LEF1: variants seen among roughly 807,000 people sequenced by gnomAD.
The protein encoded by LEF1 is lymphoid enhancer-binding factor 1.
LEF1 carries 14 observed loss-of-function variants against 51.2 expected under a neutral mutation model. The ratio of observed to expected loss-of-function variants is 0.27; its 90% CI spans 0.18 to 0.43. The LOEUF (loss-of-function observed/expected upper bound fraction) is 0.43, where lower values mean the gene tolerates loss of function less well. LEF1 is among the 20% of genes least tolerant of loss of function. The probability of loss-of-function intolerance (pLI) is 1.00; values close to 1 mark genes in which losing one functional copy is unlikely to be tolerated. For synonymous variants in LEF1, 185 were observed against 183.2 expected, an observed-to-expected ratio of 1.01 and a Z score of -0.08; for missense variants, 386 against 512.0, an observed-to-expected ratio of 0.75 and a Z score of 2.37.
intron 9 of LEF1, among the ~76,000 whole-genome samples, chr4:108,069,668 T>C (rs962700367): frequency 6.6e-6 from 1 of 152,074 alleles, no homozygotes; most frequent in African/African-American, 2.4e-5. Flanking sequence ...TATGAAGAAA[T>C]TTAAAATAGC....
At chr4:108,104,648 G>A (rs905364279) in intron 3 of LEF1, 1 of 980,650 alleles carries the variant, frequency 1.0e-6, no homozygotes, top group Non-Finnish European at 1.2e-6. Context: ...AGGCAGACAG[G>A]TGACACCCAA....
intron 3 of LEF1, among the ~76,000 whole-genome samples, chr4:108,134,367 T>C (rs1743108309): frequency 6.6e-6 from 1 of 152,232 alleles, no homozygotes; most frequent in African/African-American, 2.4e-5. Context: ...TACTTCTAAA[T>C]TATCAACTGA....
chr4:108,138,023 C>T (rs748504600), intron 3 of LEF1, among the ~76,000 whole-genome samples: 2 of 152,106 alleles, frequency 1.3e-5, no homozygotes, highest in African/African-American at 2.4e-5. Context: ...TTATTAACCA[C>T]ATAATTTTCT....
intron 3 of LEF1, among the ~76,000 whole-genome samples, chr4:108,108,033 G>A (rs373593151): frequency 2.6e-5 from 4 of 152,156 alleles, no homozygotes; most frequent in African/African-American, 9.7e-5. Context: ...GCAGGGACAG[G>A]GAAAAGCAAA....
intron 3 of LEF1, among the ~76,000 whole-genome samples, chr4:108,128,918 G>A (rs1248063007): frequency 6.6e-6 from 1 of 152,152 alleles, no homozygotes; most frequent in Admixed American, 6.5e-5. Context: ...ATAAGTGGTT[G>A]TCTCTAACAA....
chr4:108,159,110 C>T (rs576683773), intron 3 of LEF1, among the ~76,000 whole-genome samples: 6 of 152,182 alleles, frequency 3.9e-5, no homozygotes, highest in African/African-American at 1.4e-4. Flanking sequence ...ATTAGCTCTG[C>T]AAGGGTTACA....
rs764647629 is a variant in LEF1, at chr4:108,078,454, G to C, written c.846-72C>G. The C allele has an allele frequency of 5.7e-6, 9 of 1,589,044 alleles. No homozygotes were observed. The African/African-American group carries it at 1.2e-4, about 21-fold the overall frequency. The stretch of plus-strand genomic sequence containing the variant: ...GAGGAAGGGATGGGGGAGGAGAAAA[G>C]CAGAGCACCTGCTCACATGGCTACA... On this transcript the variant is annotated intron_variant, in intron 7 of 11. Transcript: ENST00000265165.
intron 3 of LEF1, among the ~76,000 whole-genome samples, chr4:108,134,874 T>A (rs1238014350): frequency 6.6e-6 from 1 of 152,214 alleles, no homozygotes; most frequent in Admixed American, 6.5e-5. Context: ...AGGGTAATGA[T>A]AACCCACCCA....
chr4:108,089,041 G>A, intron 4 of LEF1, 84 bp downstream of exon 4: 5 of 1,482,176 alleles, frequency 3.4e-6, no homozygotes, highest in Non-Finnish European at 4.7e-6. Flanking sequence ...ATGGAGCACT[G>A]GCATCTGGAA....
chr4:108,147,671 A>G (rs1744081259), intron 3 of LEF1, among the ~76,000 whole-genome samples: 1 of 152,180 alleles, frequency 6.6e-6, no homozygotes, highest in South Asian at 2.1e-4. Flanking sequence ...CCTTATTCCT[A>G]GCAGTACAGT....
chr4:108,064,785 C>T, intron 9 of LEF1, among the ~76,000 whole-genome samples: 1 of 151,910 alleles, frequency 6.6e-6, no homozygotes, highest in Non-Finnish European at 1.5e-5. Context: ...GAGCTGTGGC[C>T]ATAGGACCCT....
chr4:108,048,745 T>A lies in LEF1; in HGVS notation c.*13A>T. On this transcript the variant is annotated 3_prime_UTR_variant, in exon 12 of 12. Coordinates refer to ENST00000265165, the MANE Select transcript of LEF1 (RefSeq NM_016269.5). ...TTTGCACGTTGGGAATGAGCTTCGT[T>A]TTCCACCTCAAGAAGGAACAAATGA... The A allele has an allele frequency of 6.2e-7, 1 of 1,602,652 alleles. No homozygotes were observed. Among genetic ancestry groups the A allele is most frequent in the Non-Finnish European group, 8.5e-7 (1 of 1,174,142 alleles).
chr4:108,126,551 C>T (rs1196367179), intron 3 of LEF1, among the ~76,000 whole-genome samples: 2 of 151,562 alleles, frequency 1.3e-5, no homozygotes, highest in East Asian at 3.9e-4. Flanking sequence ...GCCTGTAATC[C>T]CAGCACCTTG....
chr4:108,122,779 C>G (rs1475290656), intron 3 of LEF1, among the ~76,000 whole-genome samples: 1 of 152,170 alleles, frequency 6.6e-6, no homozygotes, highest in East Asian at 1.9e-4. Context: ...AGCCACCATG[C>G]CCAGCCAATA....
chr4:108,050,970 A>G (rs925125314), intron 11 of LEF1, among the ~76,000 whole-genome samples: 5 of 152,154 alleles, frequency 3.3e-5, no homozygotes, highest in African/African-American at 1.2e-4. Flanking sequence ...TGCCTTACCT[A>G]AGGGTGCCTT....
intron 3 of LEF1, among the ~76,000 whole-genome samples, chr4:108,120,032 T>TAC (rs1742076726): frequency 6.9e-6 from 1 of 144,782 alleles, no homozygotes; most frequent in Non-Finnish European, 1.5e-5. Context: ...TGTGTGTGTG[T>TAC]ATGTATGTAT....
At chr4:108,072,708 T>C (rs1190871493) in intron 8 of LEF1, 2 of 152,190 alleles carry the variant, frequency 1.3e-5, no homozygotes, top group East Asian at 3.9e-4. Context: ...TTTGTACTAG[T>C]AGAATAAACA....
At chr4:108,125,516 CA>C (rs1369805840) in intron 3 of LEF1, among the ~76,000 whole-genome samples, 3 of 152,108 alleles carry the variant, frequency 2.0e-5, no homozygotes, top group Non-Finnish European at 4.4e-5. Context: ...TATATCCTTC[CA>C]CATGCTATCA....
At chr4:108,123,984 A>T (rs554886374) in intron 3 of LEF1, among the ~76,000 whole-genome samples, 85 of 152,156 alleles carry the variant, frequency 5.6e-4, no homozygotes, top group East Asian at 1.2e-3. Flanking sequence ...CTCTACAAAA[A>T]AATAAAAACT....
Sources: allele counts gnomAD v4.1 joint callset (sites outside exome capture counted in the v4.1 genomes callset), GRCh38; gene constraint gnomAD v4.1.1; transcripts MANE v1.5; gene names NCBI Gene and HGNC (gene_info 2026-07-23, HGNC 2026-07-21).